The following NELL1 variants were observed in gnomAD, a reference collection of about 807,000 sequenced individuals.
The protein encoded by NELL1 is protein kinase C-binding protein NELL1.
A neutral mutation model predicts 107.4 loss-of-function variants in NELL1; 76 were observed. That is an observed-to-expected ratio of 0.71 (90% CI 0.59 to 0.86). NELL1 has a LOEUF of 0.86. Among genes scored for constraint, NELL1 ranks in the 40% least tolerant of loss-of-function variants. The pLI, the probability that NELL1 is intolerant of heterozygous loss-of-function variation, is 0.00. For synonymous variants in NELL1, 353 were observed against 341.2 expected, an observed-to-expected ratio of 1.03 and a Z score of -0.38; for missense variants, 1,024 against 1,005.5, an observed-to-expected ratio of 1.02 and a Z score of -0.25.
intron 3 of NELL1, among the ~76,000 whole-genome samples, chr11:20,798,528 T>A (rs1857219804): frequency 6.6e-6 from 1 of 152,210 alleles, no homozygotes; most frequent in Non-Finnish European, 1.5e-5. Flanking sequence ...TTCTTTGACA[T>A]CCTTTGGAAT....
chr11:21,071,213 G>C (rs1439419541), intron 12 of NELL1, among the ~76,000 whole-genome samples: 1 of 152,256 alleles, frequency 6.6e-6, no homozygotes, highest in East Asian at 1.9e-4. Context: ...TAGTAAGTTT[G>C]TTGTGATGAT....
intron 13 of NELL1, among the ~76,000 whole-genome samples, chr11:21,172,922 C>CTGTGTG (rs151155423): frequency 1.0e-4 from 15 of 149,232 alleles, no homozygotes; most frequent in South Asian, 4.2e-4. Context: ...GTGTGTCTGT[C>CTGTGTG]TGTGTGTGTG....
At chr11:21,062,006 A>T (rs907289665) in intron 12 of NELL1, among the ~76,000 whole-genome samples, 2 of 152,184 alleles carry the variant, frequency 1.3e-5, no homozygotes, top group African/African-American at 4.8e-5. Context: ...TACATTCTCC[A>T]GATTGTCTAC....
chr11:21,473,143 C>G (rs547539138), intron 15 of NELL1, among the ~76,000 whole-genome samples: 1 of 152,138 alleles, frequency 6.6e-6, no homozygotes, highest in Admixed American at 6.6e-5. Context: ...AGGGAAGCTT[C>G]ATGACTGTAG....
At chr11:21,555,767 T>C (rs977101718) in intron 16 of NELL1, among the ~76,000 whole-genome samples, 2 of 151,918 alleles carry the variant, frequency 1.3e-5, no homozygotes, top group Admixed American at 6.6e-5. Flanking sequence ...TCTTTGTCTT[T>C]TCAGGCTGAA....
intron 2 of NELL1, among the ~76,000 whole-genome samples, chr11:20,739,412 AT>A (rs34421867): frequency 0.81 from 121,687 of 150,960 alleles, 48,987 homozygotes; most frequent in Middle Eastern, 0.9. Context: ...AATGCTCAAC[AT>A]TAAATGAATA....
At chr11:21,507,524 TAG>T (rs1172566813) in intron 15 of NELL1, among the ~76,000 whole-genome samples, 1 of 152,182 alleles carries the variant, frequency 6.6e-6, no homozygotes, top group African/African-American at 2.4e-5. Flanking sequence ...TGGATTCAAA[TAG>T]ATACTTCAGT....
chr11:21,107,083 G>A (rs143758944), intron 12 of NELL1, among the ~76,000 whole-genome samples: 11 of 152,204 alleles, frequency 7.2e-5, no homozygotes, highest in African/African-American at 2.2e-4. Context: ...GCTGTTATCC[G>A]TTATCAATAT....
At chr11:20,807,424 T>C (rs1273490859) in intron 3 of NELL1, among the ~76,000 whole-genome samples, 1 of 152,234 alleles carries the variant, frequency 6.6e-6, no homozygotes, top group East Asian at 1.9e-4. Context: ...TCTCTCTCTC[T>C]GTTCTGAGGC....
chr11:21,239,339 A>C (rs1431559798), intron 14 of NELL1, among the ~76,000 whole-genome samples: 1 of 152,018 alleles, frequency 6.6e-6, no homozygotes, highest in Non-Finnish European at 1.5e-5. Flanking sequence ...CATACCTATA[A>C]CAGGGATGGA....
chr11:20,962,893 C>T (rs563907405), intron 12 of NELL1, among the ~76,000 whole-genome samples: 12 of 152,058 alleles, frequency 7.9e-5, no homozygotes, highest in Non-Finnish European at 1.5e-4. Flanking sequence ...AAGGATAGCA[C>T]CTAAGGAGAA....
intron 14 of NELL1, among the ~76,000 whole-genome samples, chr11:21,293,513 G>A (rs1446108744): frequency 6.6e-6 from 1 of 152,168 alleles, no homozygotes; most frequent in Non-Finnish European, 1.5e-5. Context: ...CATTGTGGAA[G>A]ACAGTGTGGT....
At chr11:21,142,832 A>G (rs1855897263) in intron 13 of NELL1, among the ~76,000 whole-genome samples, 1 of 152,186 alleles carries the variant, frequency 6.6e-6, no homozygotes, top group African/African-American at 2.4e-5. Context: ...ATCATGAGAT[A>G]ACTAAAAGGA....
intron 2 of NELL1, among the ~76,000 whole-genome samples, chr11:20,760,870 C>G (rs2133957269): frequency 6.6e-6 from 1 of 152,296 alleles, no homozygotes; most frequent in South Asian, 2.1e-4. Flanking sequence ...GCCAGATTCC[C>G]AGGTCTCACT....
chr11:20,834,762 G>T (rs1251597497), intron 3 of NELL1, among the ~76,000 whole-genome samples: 1 of 152,014 alleles, frequency 6.6e-6, no homozygotes, highest in East Asian at 1.9e-4. Context: ...TGGAGTCAGG[G>T]TCCATAGAGC....
At chr11:20,903,492 C>T (rs1436154559) in intron 5 of NELL1, among the ~76,000 whole-genome samples, 2 of 151,916 alleles carry the variant, frequency 1.3e-5, no homozygotes, top group African/African-American at 2.4e-5. Flanking sequence ...TTTTCACAAC[C>T]TTCTTATTGG....
intron 14 of NELL1, among the ~76,000 whole-genome samples, chr11:21,307,478 C>T (rs1384795087): frequency 1.3e-5 from 2 of 151,938 alleles, no homozygotes; most frequent in African/African-American, 2.4e-5. Flanking sequence ...TTTACCGGTA[C>T]ACTCACACAC....
chr11:21,162,208 C>T (rs1856388187), intron 13 of NELL1, among the ~76,000 whole-genome samples: 2 of 152,176 alleles, frequency 1.3e-5, no homozygotes, highest in South Asian at 4.1e-4. Context: ...CTTGGCCTCT[C>T]AAAGTGCTGG....
Position 21,436,788 on chromosome 11 carries a change from G to C in NELL1, c.1645+65840G>C, listed in dbSNP as rs542154651. ...TATTGCTATTAGTGCTGCTTTTTCT[G>C]TGTCCCATTGGTTTTGGTATGTTAT... On this transcript the variant is annotated intron_variant, in intron 15 of 19. Coordinates refer to ENST00000357134, the MANE Select transcript of NELL1 (RefSeq NM_006157.5). Among the ~76,000 whole-genome samples the C allele has an allele frequency of 5.9e-5, 9 of 151,968 alleles. No homozygotes were observed. In the South Asian group the frequency reaches 1.0e-3, roughly 18 times the overall value.
Sources: allele counts gnomAD v4.1 joint callset (sites outside exome capture counted in the v4.1 genomes callset), GRCh38; gene constraint gnomAD v4.1.1; transcripts MANE v1.5; gene names NCBI Gene and HGNC (gene_info 2026-07-23, HGNC 2026-07-21).